LRRC42: variants seen among roughly 807,000 people sequenced by gnomAD.
LRRC42 encodes leucine-rich repeat-containing protein 42.
In LRRC42, 43 loss-of-function variants were observed where a neutral mutation model predicts 44.3. The observed-to-expected ratio is 0.97, with a 90% CI of 0.76 to 1.25. LRRC42 has a LOEUF of 1.25. LRRC42 is among the 50% of genes most tolerant of loss of function. The pLI is 0.00. For missense variants in LRRC42, 540 were observed against 509.1 expected, an observed-to-expected ratio of 1.06 and a Z score of -0.58; for synonymous variants, 207 against 195.2, an observed-to-expected ratio of 1.06 and a Z score of -0.50.
At position 53,952,066 on chromosome 1, in the gene LRRC42, C is replaced by T; in HGVS notation, c.67C>T (p.Gln23Ter). Residue 23 changes from glutamine (Q) to a stop codon, truncating the protein, a stop_gained, in exon 3 of 9, where the codon CAG becomes TAG. Transcript: ENST00000371370. LOFTEE classifies it high-confidence loss of function. ...PGPIYMRENG[Q>*]LHMVNLALDG... Reference sequence around the variant, plus strand: ...GCCCATCTACATGCGAGAAAATGGGCAGCTGCACATGGTCAATCTGGCTCT... The same window carrying T: ...GCCCATCTACATGCGAGAAAATGGGTAGCTGCACATGGTCAATCTGGCTCT... 1 of 1,614,210 alleles carries T rather than the reference C, an allele frequency of 6.2e-7. No individual in the cohort carries two copies. The highest frequency in any genetic ancestry group is 8.5e-7 in the Non-Finnish European group (1 of 1,180,036).
At chr1:53,955,108 A>G (rs1654793949) in intron 3 of LRRC42, among the ~76,000 whole-genome samples, 1 of 152,120 alleles carries the variant, frequency 6.6e-6, no homozygotes, top group Non-Finnish European at 1.5e-5. Flanking sequence ...AGATTTTTTA[A>G]ATGTATGTAT....
In LRRC42 at chr1:53,955,546, C is replaced by T. The variant is rs149420275; in HGVS notation, c.474-2603C>T. ...CTGCTGACCTCAAGTGATCCACCCA[C>T]CTCAGCCTTCCAAAGTGCTGGGATT... On this transcript the variant is annotated intron_variant, in intron 3 of 8. Coordinates refer to ENST00000371370, the MANE Select transcript of LRRC42 (RefSeq NM_001256409.2). Among the ~76,000 whole-genome samples the T allele has an allele frequency of 5.1e-4, 77 of 152,190 alleles. No individual in the cohort carries two copies. In the East Asian group the frequency reaches 0.013, roughly 26 times the overall value.
At chr1:53,963,363 G>A (rs577246410) in intron 7 of LRRC42, among the ~76,000 whole-genome samples, 2 of 152,340 alleles carry the variant, frequency 1.3e-5, no homozygotes, top group African/African-American at 4.8e-5. Flanking sequence ...ACAGGTGTGG[G>A]ATGGTCTTAC....
intron 2 of LRRC42, among the ~76,000 whole-genome samples, chr1:53,949,124 T>C (rs1237787477): frequency 1.3e-5 from 2 of 152,142 alleles, no homozygotes; most frequent in East Asian, 1.9e-4. Flanking sequence ...GAACTGTGCC[T>C]TTTTTTTGAA....
rs1655011405 is a variant in LRRC42 at position 53,962,122 on chromosome 1, G to C, written c.813G>C (p.Lys271Asn). Residue 271 changes from lysine to asparagine, a missense_variant and splice_region_variant, in exon 6 of 9, where the codon AAG becomes AAC. Lys to Asn is a moderately conservative substitution (Grantham distance 94). Coordinates refer to ENST00000371370, the MANE Select transcript of LRRC42 (RefSeq NM_001256409.2). ...NCLDISGTGL[K>N]DIKTVKHKLQ... is the part of the protein sequence containing the mutation. The stretch of plus-strand genomic sequence containing the variant: ...TAGATATCTCTGGGACAGGGCTCAA[G>C]GTAAGACTTTTGGTTCCTTCTCTCA... 1 of 1,611,410 alleles carries C rather than the reference G, an allele frequency of 6.2e-7. No homozygotes were observed.
intron 7 of LRRC42, among the ~76,000 whole-genome samples, chr1:53,964,548 A>G (rs1655077396): frequency 6.6e-6 from 1 of 152,036 alleles, no homozygotes; most frequent in Admixed American, 6.6e-5. Context: ...AGGAAGCACC[A>G]TTTTCCCTAT....
At chr1:53,966,176 G>A in intron 7 of LRRC42, 120 bp from the exon 8 acceptor site, 1 of 713,864 alleles carries the variant, frequency 1.4e-6, no homozygotes, top group South Asian at 1.7e-5. Flanking sequence ...CCAGTCATCT[G>A]AAGTTAAATT....
intron 2 of LRRC42, among the ~76,000 whole-genome samples, chr1:53,949,518 A>G (rs2100915617): frequency 6.6e-6 from 1 of 152,322 alleles, no homozygotes; most frequent in African/African-American, 2.4e-5. Flanking sequence ...GGAGCTCTGA[A>G]TGTTAAATGA....
chr1:53,954,026 C>T (rs1654764635), intron 3 of LRRC42, among the ~76,000 whole-genome samples: 1 of 152,210 alleles, frequency 6.6e-6, no homozygotes, highest in Non-Finnish European at 1.5e-5. Context: ...AGCCCCCATG[C>T]CCAGCCGGCA....
At chr1:53,959,532 C>CA (rs1654936161) in intron 4 of LRRC42, among the ~76,000 whole-genome samples, 1 of 152,206 alleles carries the variant, frequency 6.6e-6, no homozygotes, top group Admixed American at 6.5e-5. Context: ...TAGCCAGCAT[C>CA]AAGGCTCAGA....
chr1:53,965,036 C>T (rs1366972829), intron 7 of LRRC42, among the ~76,000 whole-genome samples: 8 of 137,854 alleles, frequency 5.8e-5, no homozygotes, highest in Admixed American at 1.5e-4. Flanking sequence ...GACAGAGTCT[C>T]GCTCTGTCGC....
intron 7 of LRRC42, 81 bp downstream of exon 7, chr1:53,962,490 C>A: frequency 1.2e-6 from 1 of 852,486 alleles, no homozygotes; most frequent in Non-Finnish European, 2.0e-6. Context: ...ATTGAATAAA[C>A]AGTAATCCAC....
At chr1:53,951,624 C>G (rs1187403770) in intron 2 of LRRC42, among the ~76,000 whole-genome samples, 1 of 152,168 alleles carries the variant, frequency 6.6e-6, no homozygotes, top group Admixed American at 6.5e-5. Flanking sequence ...GGGGTTTCAC[C>G]ATGTTGGCCA....
At chr1:53,950,865 T>G (rs1444482440) in intron 2 of LRRC42, among the ~76,000 whole-genome samples, 1 of 152,244 alleles carries the variant, frequency 6.6e-6, no homozygotes, top group African/African-American at 2.4e-5. Context: ...ATACGAAGTT[T>G]CCAAAGGCTA....
chr1:53,962,301 C>A lies in LRRC42; in HGVS notation c.819C>A (p.Ile273=). 4 of 1,613,106 alleles carry A rather than the reference C, an allele frequency of 2.5e-6. No individual in the cohort carries two copies. Among genetic ancestry groups the A allele is most frequent in the Non-Finnish European group, 3.4e-6 (4 of 1,179,050 alleles). ...LDISGTGLKD[I]KTVKHKLQTH... is the part of the protein sequence containing the mutation. ...ATCTGTCTCTGCCTCACTAGGACATCAAAACCGTCAAGCACAAGCTCCAGA... is the reference window on the plus strand; with the variant it reads ...ATCTGTCTCTGCCTCACTAGGACATAAAAACCGTCAAGCACAAGCTCCAGA... The change falls in exon 7 of 9, where the codon ATC becomes ATA. Residue 273 remains isoleucine (I), a synonymous_variant. Transcript: ENST00000371370.
At chr1:53,961,258 A>C (rs1201884819) in intron 5 of LRRC42, among the ~76,000 whole-genome samples, 1 of 152,076 alleles carries the variant, frequency 6.6e-6, no homozygotes, top group Non-Finnish European at 1.5e-5. Context: ...AAAGATACAA[A>C]AAATCAGCTG....
rs1175219964 is a variant in LRRC42 at position 53,952,042 on chromosome 1, C to T, written c.43C>T (p.Pro15Ser). The change falls in exon 3 of 9, where the codon CCC (proline) becomes TCC (serine). Residue 15 changes from proline (P) to serine (S), a missense_variant. Transcript: ENST00000371370. The stretch of plus-strand genomic sequence containing the variant: ...CTCAGAAAACCACCTGGACCCAGGG[C>T]CCATCTACATGCGAGAAAATGGGCA... The part of the protein sequence containing the change: ...LSSENHLDPG[P>S]IYMRENGQLH... 1 of 1,614,178 alleles carries T rather than the reference C, an allele frequency of 6.2e-7. No individual in the cohort carries two copies. The highest frequency in any genetic ancestry group is 2.2e-5 in the East Asian group (1 of 44,886).
chr1:53,955,923 C>T (rs1215831690), intron 3 of LRRC42, among the ~76,000 whole-genome samples: 8 of 152,322 alleles, frequency 5.3e-5, no homozygotes, highest in South Asian at 2.1e-4. Flanking sequence ...CCACCGCGCC[C>T]GGCCAACATA....
intron 4 of LRRC42, among the ~76,000 whole-genome samples, 200 bp downstream of exon 4, chr1:53,958,480 C>T (rs1654906294): frequency 6.6e-6 from 1 of 152,194 alleles, no homozygotes; most frequent in African/African-American, 2.4e-5. Context: ...TCAGTTGACT[C>T]AAGTCAGTTA....
Sources: allele counts gnomAD v4.1 joint callset (sites outside exome capture counted in the v4.1 genomes callset), GRCh38; gene constraint gnomAD v4.1.1; transcripts MANE v1.5; gene names NCBI Gene and HGNC (gene_info 2026-07-23, HGNC 2026-07-21).